ADGRD1: variants seen among roughly 807,000 people sequenced by gnomAD.
ADGRD1 encodes the protein G-protein coupled receptor 133.
Under a neutral mutation model 113.4 loss-of-function variants are expected in ADGRD1, and 77 were observed. The ratio of observed to expected loss-of-function variants is 0.68; its 90% confidence interval spans 0.57 to 0.82. ADGRD1 has a LOEUF of 0.82. Ranked by LOEUF, ADGRD1 falls within the 40% of genes least tolerant of loss-of-function variation. The pLI, the probability that ADGRD1 is intolerant of heterozygous loss-of-function variation, is 0.00. For synonymous variants in ADGRD1, 474 were observed against 475.0 expected, an observed-to-expected ratio of 1.00 and a Z score of 0.03; for missense variants, 1,036 against 1,139.1, an observed-to-expected ratio of 0.91 and a Z score of 1.30.
intron 13 of ADGRD1, among the ~76,000 whole-genome samples, chr12:131,014,918 C>T (rs527742372): frequency 1.3e-4 from 20 of 152,114 alleles, no homozygotes; most frequent in Admixed American, 5.2e-4. Flanking sequence ...AAGATGTATA[C>T]AATCTGAGGA....
At chr12:131,064,395 C>T (rs111768357) in intron 13 of ADGRD1, among the ~76,000 whole-genome samples, 25 of 152,048 alleles carry the variant, frequency 1.6e-4, no homozygotes, top group Non-Finnish European at 3.4e-4. Context: ...GTTTTTCTGC[C>T]TCGATATGAT....
intron 7 of ADGRD1, 139 bp from the exon 8 acceptor site, chr12:130,992,098 G>A (rs1388973216): frequency 7.8e-6 from 5 of 637,130 alleles, no homozygotes; most frequent in Non-Finnish European, 1.3e-5. Flanking sequence ...TCCAGCCTGG[G>A]CAACAGAGCA....
At chr12:131,106,551 C>T (rs1245767861) in intron 17 of ADGRD1, among the ~76,000 whole-genome samples, 1 of 152,198 alleles carries the variant, frequency 6.6e-6, no homozygotes, top group Non-Finnish European at 1.5e-5. Flanking sequence ...GGAGCTGGTT[C>T]TGGCAGAAGC....
rs1255550114 is a variant in ADGRD1, at chr12:130,963,307, C to A, written c.104-3156C>A. 1.2e-4 allele frequency among the ~76,000 whole-genome samples: 14 copies of A among 112,364 alleles called. No homozygotes were observed. The East Asian group carries it at 2.6e-3, about 21-fold the overall frequency. 73.7% of individuals were successfully genotyped at this position (112,364 alleles called of 152,430 possible). A position where few individuals can be genotyped will look rare whatever the true frequency, so the allele number is the denominator to read the frequency against. ...TGCACTCCAGCCTGGGCGACAGAGC[C>A]AGACTCCGTCTCAAAAAAAAAAAAA... is the stretch of plus-strand genomic sequence containing the variant. On this transcript the variant is annotated intron_variant, in intron 2 of 24. Transcript: ENST00000261654.
At chr12:131,087,043 C>A (rs1886514838) in intron 15 of ADGRD1, among the ~76,000 whole-genome samples, 2 of 152,242 alleles carry the variant, frequency 1.3e-5, no homozygotes, top group African/African-American at 4.8e-5. Flanking sequence ...GTAGCTGGGA[C>A]TACAGGCACA....
At chr12:131,007,434 C>T (rs567658655) in intron 12 of ADGRD1, among the ~76,000 whole-genome samples, 38 of 152,372 alleles carry the variant, frequency 2.5e-4, no homozygotes, top group Middle Eastern at 6.8e-3. Context: ...ATTAGATCAG[C>T]GCTGGCAGGG....
intron 15 of ADGRD1, among the ~76,000 whole-genome samples, chr12:131,094,871 C>CTGAGAGCTGGGCTGGGGA (rs1401460818): frequency 6.6e-6 from 1 of 152,224 alleles, no homozygotes; most frequent in Non-Finnish European, 1.5e-5. Flanking sequence ...TCCTGGGCTG[C>CTGAGAGCTGGGCTGGGGA]TGAGAGCTGG....
chr12:130,954,396 T>A lies in ADGRD1; in HGVS notation c.-70T>A. 1 of 1,337,546 alleles carries A rather than the reference T, an allele frequency of 7.5e-7. No individual in the cohort carries two copies. Among genetic ancestry groups the A allele is most frequent in the Non-Finnish European group, 1.0e-6 (1 of 976,430 alleles). The allele number at this position is 1,337,546 out of a possible 1,614,324, so 82.9% of individuals were successfully genotyped here. A position where few individuals can be genotyped will look rare whatever the true frequency, so the allele number is the denominator to read the frequency against. On this transcript the variant is annotated 5_prime_UTR_variant, in exon 1 of 25. Coordinates refer to ENST00000261654, the MANE Select transcript of ADGRD1 (RefSeq NM_198827.5). This position sits in a 1 kb window ranked among gnomAD's most constrained non-coding sequence, Gnocchi z 4.7. Reference sequence around the variant, plus strand: ...TGTCCCTTTTCCAAGGAAGTGAAGGTTAAGAGGTCCCGTTCTCACAGACCC... The same window carrying A: ...TGTCCCTTTTCCAAGGAAGTGAAGGATAAGAGGTCCCGTTCTCACAGACCC...
chr12:130,995,023 G>T (rs990618754), intron 8 of ADGRD1, among the ~76,000 whole-genome samples: 1 of 152,230 alleles, frequency 6.6e-6, no homozygotes, highest in African/African-American at 2.4e-5. Flanking sequence ...GGCTAGAAGG[G>T]TCTGTCTCGC....
chr12:131,005,024 A>G (rs1593340154), intron 11 of ADGRD1, among the ~76,000 whole-genome samples: 1 of 152,144 alleles, frequency 6.6e-6, no homozygotes, highest in East Asian at 1.9e-4. Context: ...GCCAGAGGCC[A>G]CGCCCCCTTC....
intron 15 of ADGRD1, among the ~76,000 whole-genome samples, chr12:131,098,397 C>T (rs113011912): frequency 6.6e-6 from 1 of 152,004 alleles, no homozygotes; most frequent in African/African-American, 2.4e-5. Context: ...GAGACTCAGG[C>T]GCTATGGAGG....
At chr12:131,032,723 C>T (rs972994105) in intron 13 of ADGRD1, among the ~76,000 whole-genome samples, 4 of 126,418 alleles carry the variant, frequency 3.2e-5, no homozygotes, top group African/African-American at 1.4e-4. Context: ...ACAGAGATGA[C>T]GTTTATTAGA....
chr12:131,013,388 A>G (rs1365556668), intron 12 of ADGRD1, among the ~76,000 whole-genome samples: 1 of 152,056 alleles, frequency 6.6e-6, no homozygotes, highest in African/African-American at 2.4e-5. Flanking sequence ...CCTCCTCATG[A>G]ATGCAAGCAG....
At chr12:130,961,955 C>T (rs1436657652) in intron 2 of ADGRD1, among the ~76,000 whole-genome samples, 1 of 152,206 alleles carries the variant, frequency 6.6e-6, no homozygotes, top group African/African-American at 2.4e-5. Context: ...AGACAGGGCA[C>T]AGTTTTCCAC....
chr12:131,024,912 C>T (rs1241428251), intron 13 of ADGRD1, among the ~76,000 whole-genome samples: 3 of 152,220 alleles, frequency 2.0e-5, no homozygotes, highest in Non-Finnish European at 4.4e-5. Flanking sequence ...GGTCCTGAGG[C>T]CTGCTGGCTG....
chr12:131,134,376 G>A lies in ADGRD1; in HGVS notation c.2268-1661G>A, dbSNP rs560236398. Among the ~76,000 whole-genome samples the A allele has an allele frequency of 1.4e-4, 21 of 152,318 alleles. No individual in the cohort carries two copies. The South Asian group carries it at 1.4e-3, about 11-fold the overall frequency. ...ACAGCTCTGGCCGTGTTGAGAGTCC[G>A]CAGAGCTTCAGCTCAGCGTCTTCCC... is the stretch of plus-strand genomic sequence containing the variant. On this transcript the variant is annotated intron_variant, in intron 21 of 24. Coordinates refer to ENST00000261654, the MANE Select transcript of ADGRD1 (RefSeq NM_198827.5).
chr12:131,135,334 G>A (rs1230066732), intron 21 of ADGRD1, among the ~76,000 whole-genome samples: 1 of 152,166 alleles, frequency 6.6e-6, no homozygotes, highest in African/African-American at 2.4e-5. Context: ...GTGTCAAGAG[G>A]GCCCATGGGC....
intron 13 of ADGRD1, among the ~76,000 whole-genome samples, chr12:131,053,979 G>A (rs959213504): frequency 3.9e-5 from 6 of 152,202 alleles, no homozygotes; most frequent in African/African-American, 9.6e-5. Context: ...GTTATAGCCC[G>A]TCCCATTTAC....
rs1240523817 is a variant in ADGRD1, at chr12:130,971,831, T to C, written c.310+251T>C. 6.6e-6 allele frequency among the ~76,000 whole-genome samples: 1 copy of C among 152,008 alleles called. No homozygotes were observed. The highest frequency in any genetic ancestry group is 6.6e-5 in the Admixed American group (1 of 15,264). On this transcript the variant is annotated intron_variant, in intron 4 of 24. Transcript: ENST00000261654. The surrounding 1 kb of genome is among the most constrained non-coding windows in gnomAD (Gnocchi z 4.2). ...TGTGAGATCAAAATACTTAATCTTG[T>C]AAAGGATGAAAAAAAACCTTCCTAA...
Sources: allele counts gnomAD v4.1 joint callset (sites outside exome capture counted in the v4.1 genomes callset), GRCh38; gene constraint gnomAD v4.1.1; non-coding constraint Gnocchi (gnomAD v3.1); transcripts MANE v1.5; gene names NCBI Gene and HGNC (gene_info 2026-07-23, HGNC 2026-07-21).